Variants in CDC14A observed in about 807,000 individuals in gnomAD.
CDC14A encodes the protein cell division cycle 14A.
A neutral mutation model predicts 74.4 loss-of-function variants in CDC14A; 53 were observed. The ratio of observed to expected loss-of-function variants is 0.71; its 90% CI spans 0.57 to 0.89. CDC14A has a LOEUF of 0.89. CDC14A is among the 40% of genes least tolerant of loss of function. CDC14A has a pLI of 0.00. For synonymous variants in CDC14A, 247 were observed against 258.4 expected (o/e 0.96, Z 0.43); for missense variants, 646 against 713.7 (o/e 0.91, Z 1.08).
chr1:100,494,959 T>C (rs764356314), intron 12 of CDC14A, 29 bp downstream of exon 12: 9 of 1,138,296 alleles, frequency 7.9e-6, no homozygotes, highest in East Asian at 4.7e-5. Context: ...CTTCAATTTA[T>C]AGTGTGCTTC....
At chr1:100,462,573 A>T in intron 8 of CDC14A, 78 bp from the exon 9 acceptor site, 2 of 1,118,132 alleles carry the variant, frequency 1.8e-6, no homozygotes. Context: ...TATACACTTC[A>T]TTGTTGAGAG....
chr1:100,352,464 G>A (rs1651186864), upstream of CDC14A: 1 of 1,012,578 alleles, frequency 9.9e-7, no homozygotes, highest in Non-Finnish European at 1.2e-6. Context: ...AGGAGGAGGA[G>A]GAAGAGTAAC....
chr1:100,475,635 G>A (rs1391215630), intron 10 of CDC14A, among the ~76,000 whole-genome samples: 1 of 152,174 alleles, frequency 6.6e-6, no homozygotes, highest in Non-Finnish European at 1.5e-5. Context: ...CTCTGTTGAT[G>A]TCCAAGGCTG....
At chr1:100,469,670 G>A (rs760989169) in intron 10 of CDC14A, among the ~76,000 whole-genome samples, 8 of 152,166 alleles carry the variant, frequency 5.3e-5, no homozygotes, top group Non-Finnish European at 1.2e-4. Context: ...ATTATTGCTT[G>A]TCATTTAATA....
chr1:100,443,192 A>G, intron 7 of CDC14A, 196 bp downstream of exon 7: 1 of 511,488 alleles, frequency 2.0e-6, no homozygotes, highest in South Asian at 2.7e-5. Context: ...TTTTGGAAAA[A>G]CAACATATCT....
upstream of CDC14A, among the ~76,000 whole-genome samples, chr1:100,349,291 G>A (rs1482165128): frequency 1.3e-5 from 2 of 151,936 alleles, no homozygotes; most frequent in Non-Finnish European, 2.9e-5. Context: ...TTGTGCAGTT[G>A]AGCGATATGT....
intron 3 of CDC14A, among the ~76,000 whole-genome samples, chr1:100,385,291 C>T (rs1553173000): frequency 6.6e-6 from 1 of 152,074 alleles, no homozygotes; most frequent in Non-Finnish European, 1.5e-5. Context: ...GTGTCTGGAC[C>T]AACAGTGTCA....
intron 15 of CDC14A, among the ~76,000 whole-genome samples, chr1:100,514,402 A>C (rs1650031719): frequency 6.6e-6 from 1 of 152,204 alleles, no homozygotes; most frequent in South Asian, 2.1e-4. Context: ...TCAAAAATGT[A>C]TTTATCTTTT....
chr1:100,488,021 A>G (rs1482339312), intron 11 of CDC14A, among the ~76,000 whole-genome samples: 1 of 152,244 alleles, frequency 6.6e-6, no homozygotes, highest in Non-Finnish European at 1.5e-5. Flanking sequence ...AAAAAAGGAC[A>G]GAGACATGAA....
At chr1:100,437,378 G>A (rs1290022812) in intron 5 of CDC14A, among the ~76,000 whole-genome samples, 1 of 152,068 alleles carries the variant, frequency 6.6e-6, no homozygotes, top group Non-Finnish European at 1.5e-5. Context: ...CCAGTCTTTG[G>A]GACAGATTTT....
chr1:100,420,710 A>G (rs1662261764), intron 4 of CDC14A, among the ~76,000 whole-genome samples: 1 of 152,180 alleles, frequency 6.6e-6, no homozygotes, highest in African/African-American at 2.4e-5. Flanking sequence ...GAATGGTAGT[A>G]CATGGTGGTA....
intron 2 of CDC14A, among the ~76,000 whole-genome samples, chr1:100,359,596 T>A (rs1389025025): frequency 6.6e-6 from 1 of 152,234 alleles, no homozygotes; most frequent in African/African-American, 2.4e-5. Flanking sequence ...CTTTGTAATT[T>A]CACTTTTGGG....
At chr1:100,420,967 T>G (rs919051459) in intron 4 of CDC14A, among the ~76,000 whole-genome samples, 2 of 152,174 alleles carry the variant, frequency 1.3e-5, no homozygotes, top group African/African-American at 4.8e-5. Flanking sequence ...TCACTTTAAT[T>G]GGGTGACTCC....
chr1:100,378,648 A>G (rs1396968878), intron 3 of CDC14A, among the ~76,000 whole-genome samples: 1 of 152,184 alleles, frequency 6.6e-6, no homozygotes, highest in Non-Finnish European at 1.5e-5. Context: ...GTGGACATGG[A>G]ATTATACCAA....
intron 4 of CDC14A, among the ~76,000 whole-genome samples, chr1:100,416,477 G>A (rs1273705030): frequency 6.6e-6 from 1 of 152,172 alleles, no homozygotes; most frequent in Non-Finnish European, 1.5e-5. Flanking sequence ...GGAGACTAGG[G>A]AGGCTGTTTA....
chr1:100,497,370 A>G (rs564159016), intron 13 of CDC14A, among the ~76,000 whole-genome samples: 2 of 152,368 alleles, frequency 1.3e-5, no homozygotes, highest in South Asian at 4.1e-4. Flanking sequence ...TAGCTGGAAT[A>G]GAGATGTCCA....
At chr1:100,505,011 T>A in intron 15 of CDC14A, 1 of 1,288,596 alleles carries the variant, frequency 7.8e-7, no homozygotes, top group Non-Finnish European at 1.0e-6. Context: ...CATCTATATT[T>A]GTTTACATAT....
rs12065690 is a variant in CDC14A, at chr1:100,400,711, T to C, written c.309+9887T>C. Reference sequence around the variant, plus strand: ...ACAGCATTTTCAATTTCAGACTCTTTGAGACTGGACATTCTGTTAGCCTTC... The same window carrying C: ...ACAGCATTTTCAATTTCAGACTCTTCGAGACTGGACATTCTGTTAGCCTTC... On this transcript the variant is annotated intron_variant, in intron 4 of 15. Transcript: ENST00000336454. 4.1e-3 allele frequency among the ~76,000 whole-genome samples: 630 copies of C among 152,338 alleles called. 6 individuals are homozygous for C. Among genetic ancestry groups the C allele is most frequent in the African/African-American group, 0.014 (584 of 41,570 alleles).
rs573263558 is a variant in CDC14A, at chr1:100,498,079, G to C, written c.1299-6G>C. On this transcript the variant is annotated splice_polypyrimidine_tract_variant and splice_region_variant and intron_variant, in intron 13 of 15. Transcript: ENST00000336454. Reference sequence around the variant, plus strand: ...TTGTGACACTTTGCCATTTTTCTCCGCAAAGATTAAGTTCATCCCTGCAAG... The same window carrying C: ...TTGTGACACTTTGCCATTTTTCTCCCCAAAGATTAAGTTCATCCCTGCAAG... The C allele has an allele frequency of 2.5e-6, 4 of 1,605,800 alleles. No individual in the cohort carries two copies. Among genetic ancestry groups the C allele is most frequent in the Non-Finnish European group, 3.4e-6 (4 of 1,177,624 alleles).
Sources: allele counts gnomAD v4.1 joint callset (sites outside exome capture counted in the v4.1 genomes callset), GRCh38; gene constraint gnomAD v4.1.1; transcripts MANE v1.5; gene names NCBI Gene and HGNC (gene_info 2026-07-23, HGNC 2026-07-21).